GABBR2: variants seen among roughly 807,000 people sequenced by gnomAD.
The protein encoded by GABBR2 is gamma-aminobutyric acid type B receptor subunit 2, also known as G-protein coupled receptor 51.
In GABBR2, 23 loss-of-function variants were observed where a neutral mutation model predicts 105.6. That is an observed-to-expected ratio of 0.22 (90% CI 0.16 to 0.31). GABBR2 has a LOEUF of 0.31. Ranked by LOEUF, GABBR2 falls within the 10% of genes least tolerant of loss-of-function variation. GABBR2 has a pLI of 1.00. For synonymous variants in GABBR2, 478 were observed against 499.7 expected (o/e 0.96, Z 0.58); for missense variants, 734 against 1,245.5 (o/e 0.59, Z 6.18).
chr9:98,543,824 T>C (rs1456578255), intron 2 of GABBR2, among the ~76,000 whole-genome samples: 1 of 152,170 alleles, frequency 6.6e-6, no homozygotes, highest in Non-Finnish European at 1.5e-5. Context: ...TTTCTCCCAG[T>C]TTGTACTTTG....
At chr9:98,298,469 C>G (rs529203781) in intron 17 of GABBR2, among the ~76,000 whole-genome samples, 10 of 152,180 alleles carry the variant, frequency 6.6e-5, no homozygotes, top group Admixed American at 6.5e-4. Flanking sequence ...AGTAGAACTG[C>G]CAGGTCAAGA....
chr9:98,574,817 G>A (rs976609508), intron 2 of GABBR2, among the ~76,000 whole-genome samples: 2 of 152,162 alleles, frequency 1.3e-5, no homozygotes, highest in African/African-American at 4.8e-5. Flanking sequence ...TGAGGGACAG[G>A]TGGTTCCAAG....
rs543127560 is a variant in GABBR2 at position 98,611,275 on chromosome 9, C to G, written c.322-33203G>C. On this transcript the variant is annotated intron_variant, in intron 1 of 18. Transcript: ENST00000259455. ...GCCATTTCCACTGCCTACCTTGTCC[C>G]TTGCTCACCCTGGTGTCTTAGGCTT... 3.3e-5 allele frequency among the ~76,000 whole-genome samples: 5 copies of G among 152,332 alleles called. No homozygotes were observed. In the South Asian group the frequency reaches 1.0e-3, roughly 32 times the overall value.
chr9:98,636,087 T>C (rs1829872537), intron 1 of GABBR2, among the ~76,000 whole-genome samples: 1 of 152,108 alleles, frequency 6.6e-6, no homozygotes, highest in Non-Finnish European at 1.5e-5. Context: ...CTTCTTACCT[T>C]CTCCATTATG....
intron 13 of GABBR2, among the ~76,000 whole-genome samples, chr9:98,349,634 G>T (rs569567902): frequency 1.3e-5 from 2 of 152,196 alleles, no homozygotes; most frequent in South Asian, 2.1e-4. Context: ...GATTACAGGC[G>T]TGAGCCACTG....
intron 8 of GABBR2, among the ~76,000 whole-genome samples, chr9:98,403,664 A>T (rs1320403115): frequency 6.6e-6 from 1 of 152,100 alleles, no homozygotes; most frequent in Non-Finnish European, 1.5e-5. Flanking sequence ...GGGTTTCAGC[A>T]CTTCAGGGAA....
At chr9:98,668,295 T>C (rs1830362549) in intron 1 of GABBR2, among the ~76,000 whole-genome samples, 1 of 152,244 alleles carries the variant, frequency 6.6e-6, no homozygotes, top group African/African-American at 2.4e-5. Context: ...TATTCAAATT[T>C]ACCAGTCTTT....
intron 9 of GABBR2, among the ~76,000 whole-genome samples, chr9:98,393,366 TCCACACACCCACTCATCCACCCAA>T (rs1378550158): frequency 3.5e-4 from 49 of 139,826 alleles, no homozygotes; most frequent in African/African-American, 7.1e-4. Context: ...CATCCATCCA[TCCACACACCCACTCATCCACCCAA>T]CCATCCATCC....
chr9:98,297,408 C>T (rs935425935), intron 17 of GABBR2, among the ~76,000 whole-genome samples: 8 of 151,746 alleles, frequency 5.3e-5, no homozygotes, highest in South Asian at 2.1e-4. Flanking sequence ...GTCAGGAGTT[C>T]GAGACCAGCC....
intron 13 of GABBR2, among the ~76,000 whole-genome samples, chr9:98,324,934 A>G (rs1029012082): frequency 6.6e-6 from 1 of 152,128 alleles, no homozygotes; most frequent in African/African-American, 2.4e-5. Flanking sequence ...CTTTGTACAC[A>G]CACATATACA....
intron 11 of GABBR2, chr9:98,375,168 A>G (rs1831850466): frequency 6.6e-6 from 1 of 152,212 alleles, no homozygotes. Flanking sequence ...GATATTTCTC[A>G]AACCATCCTG....
intron 7 of GABBR2, among the ~76,000 whole-genome samples, chr9:98,452,951 A>C (rs1319288252): frequency 6.6e-6 from 1 of 152,262 alleles, no homozygotes; most frequent in Admixed American, 6.5e-5. Context: ...TTTTGGGTCC[A>C]GAGCTTCTCC....
chr9:98,398,053 A>G (rs916343904), intron 8 of GABBR2, among the ~76,000 whole-genome samples: 1 of 152,182 alleles, frequency 6.6e-6, no homozygotes, highest in Non-Finnish European at 1.5e-5. Context: ...TCCACCGTGC[A>G]AACAAGGTCA....
At chr9:98,632,570 C>G (rs1358092882) in intron 1 of GABBR2, among the ~76,000 whole-genome samples, 1 of 152,188 alleles carries the variant, frequency 6.6e-6, no homozygotes, top group Non-Finnish European at 1.5e-5. Flanking sequence ...TGTGCAGCTG[C>G]TTCCTGGCTG....
chr9:98,482,481 T>C (rs1588186424), intron 4 of GABBR2, among the ~76,000 whole-genome samples: 1 of 152,200 alleles, frequency 6.6e-6, no homozygotes, highest in Non-Finnish European at 1.5e-5. Context: ...CTTCCAGGCA[T>C]GCTCCAAGAT....
intron 7 of GABBR2, among the ~76,000 whole-genome samples, chr9:98,430,346 T>C (rs969110219): frequency 6.7e-6 from 1 of 149,734 alleles, no homozygotes; most frequent in Non-Finnish European, 1.5e-5. Context: ...GTCTGGGACA[T>C]AATTAAGTTA....
At chr9:98,630,436 T>C (rs1441692141) in intron 1 of GABBR2, among the ~76,000 whole-genome samples, 1 of 152,190 alleles carries the variant, frequency 6.6e-6, no homozygotes, top group Non-Finnish European at 1.5e-5. Context: ...GACTGAGAAG[T>C]GGCTGTGGAT....
intron 3 of GABBR2, among the ~76,000 whole-genome samples, chr9:98,531,591 G>A (rs546285017): frequency 9.2e-5 from 14 of 152,352 alleles, no homozygotes; most frequent in South Asian, 6.2e-4. Flanking sequence ...CCTGACAGGC[G>A]GTGGCTCTCA....
chr9:98,588,064 A>G (rs182899552), intron 1 of GABBR2, among the ~76,000 whole-genome samples: 21 of 152,334 alleles, frequency 1.4e-4, no homozygotes, highest in Admixed American at 7.2e-4. Context: ...AAAAATACAG[A>G]TTACTTTTAT....
Sources: gnomAD v4.1 joint callset for allele counts (sites outside exome capture counted in the v4.1 genomes callset) on GRCh38, gnomAD v4.1.1 for gene constraint, MANE v1.5 for transcripts, NCBI Gene and HGNC (gene_info 2026-07-23, HGNC 2026-07-21) for gene names.